The following EIF3H variants were observed in gnomAD, a reference collection of about 807,000 sequenced individuals.
The protein encoded by EIF3H is eukaryotic translation initiation factor 3 subunit H, also known as eIF-3-gamma.
EIF3H carries 26 observed loss-of-function variants against 44.2 expected under a neutral mutation model. That is an observed-to-expected ratio of 0.59 (90% CI 0.43 to 0.82). The LOEUF is 0.82. Among genes scored for constraint, EIF3H ranks in the 40% least tolerant of loss-of-function variants. The pLI, the probability that EIF3H is intolerant of heterozygous loss-of-function variation, is 0.00. For missense variants in EIF3H, 359 were observed against 432.8 expected (o/e 0.83, Z 1.51); for synonymous variants, 166 against 151.9 (o/e 1.09, Z -0.68).
rs1361945406 is a variant in EIF3H, at chr8:116,678,953, C to T, written c.290-19973G>A. Among the ~76,000 whole-genome samples the T allele has an allele frequency of 1.6e-4, 15 of 91,136 alleles. No individual in the cohort carries two copies. In the South Asian group the frequency reaches 4.5e-3, roughly 27 times the overall value. 59.8% of individuals were successfully genotyped at this position (91,136 alleles called of 152,430 possible). A position where few individuals can be genotyped will look rare whatever the true frequency, so the allele number is the denominator to read the frequency against. ...CCGCCCCTACTGGGAAGTGAGGAGC[C>T]CCTCTGCCCGGCCAGTCGCCCCGTC... On this transcript the variant is annotated intron_variant, in intron 2 of 7. Transcript: ENST00000521861.
At position 116,726,071 on chromosome 8, in the gene EIF3H, A is replaced by G; in HGVS notation, c.234T>C (p.Ile78=). The G allele has an allele frequency of 6.2e-7, 1 of 1,614,128 alleles. No individual in the cohort carries two copies. Among genetic ancestry groups the G allele is most frequent in the South Asian group, 1.1e-5 (1 of 91,080 alleles). ...LGLVVEDRLE[I]TNCFPFPQHT... The stretch of plus-strand genomic sequence containing the variant: ...GCTGAGGGAAAGGAAAGCAGTTGGT[A>G]ATTTCAAGCCGATCTTCTACAACCA... The change falls in exon 2 of 8, where the codon ATT becomes ATC. Residue 78 remains isoleucine (I), a synonymous_variant. Transcript: ENST00000521861.
intron 2 of EIF3H, among the ~76,000 whole-genome samples, chr8:116,721,451 C>A (rs1034939604): frequency 2.0e-4 from 31 of 152,202 alleles, no homozygotes; most frequent in African/African-American, 7.5e-4. Context: ...GGGGTTGAAG[C>A]CCCCACACAG....
intron 5 of EIF3H, among the ~76,000 whole-genome samples, chr8:116,654,728 G>A (rs1813459404): frequency 6.6e-6 from 1 of 152,002 alleles, no homozygotes; most frequent in Non-Finnish European, 1.5e-5. Context: ...TACATTCATC[G>A]TCCATCTCCC....
chr8:116,697,380 C>A (rs923068068), intron 2 of EIF3H: 2 of 364,122 alleles, frequency 5.5e-6, no homozygotes, highest in African/African-American at 4.3e-5. Context: ...AATTGCTGGT[C>A]AGTGTCAGGT....
intron 1 of EIF3H, among the ~76,000 whole-genome samples, chr8:116,762,957 A>G (rs1815533119): frequency 6.6e-6 from 1 of 152,180 alleles, no homozygotes; most frequent in Non-Finnish European, 1.5e-5. Flanking sequence ...AAGAAAAGGA[A>G]AAAAAAAGAA....
At chr8:116,672,440 A>G (rs1813773117) in intron 2 of EIF3H, among the ~76,000 whole-genome samples, 1 of 152,190 alleles carries the variant, frequency 6.6e-6, no homozygotes, top group Non-Finnish European at 1.5e-5. Context: ...AGCGCAGATG[A>G]CATAGCATCT....
At chr8:116,692,879 C>G (rs1423973212) in intron 2 of EIF3H, among the ~76,000 whole-genome samples, 1 of 152,144 alleles carries the variant, frequency 6.6e-6, no homozygotes, top group African/African-American at 2.4e-5. Context: ...CCAAGTTCTT[C>G]TAACTGGCAC....
chr8:116,758,720 T>G (rs1815485431), upstream of EIF3H, among the ~76,000 whole-genome samples: 1 of 152,198 alleles, frequency 6.6e-6, no homozygotes, highest in Non-Finnish European at 1.5e-5. Flanking sequence ...AACAAAATTT[T>G]CTGAATATTT....
chr8:116,710,758 T>C (rs1814560466), intron 2 of EIF3H, among the ~76,000 whole-genome samples: 1 of 152,284 alleles, frequency 6.6e-6, no homozygotes, highest in African/African-American at 2.4e-5. Flanking sequence ...GCATACTGGG[T>C]TTTCTGGTTC....
intron 6 of EIF3H, 134 bp downstream of exon 6, chr8:116,648,672 T>A: frequency 9.2e-7 from 1 of 1,084,194 alleles, no homozygotes; most frequent in Non-Finnish European, 1.2e-6. Context: ...AAAATAATAA[T>A]CTTTTAAAAA....
intron 2 of EIF3H, among the ~76,000 whole-genome samples, chr8:116,686,355 G>A (rs1000172186): frequency 1.3e-5 from 2 of 152,068 alleles, no homozygotes; most frequent in Non-Finnish European, 2.9e-5. Context: ...TGTGTCTGTG[G>A]ATATCCTGAC....
intron 1 of EIF3H, among the ~76,000 whole-genome samples, chr8:116,752,740 A>AGAAGG (rs1815372956): frequency 1.7e-5 from 2 of 115,314 alleles, no homozygotes; most frequent in East Asian, 2.8e-4. Context: ...AAGAAGAGAA[A>AGAAGG]GAAAGAAAGA....
In EIF3H at chr8:116,705,499, C is replaced by G. The variant is rs912161203; in HGVS notation, c.289+20517G>C. 1.5e-4 allele frequency among the ~76,000 whole-genome samples: 21 copies of G among 143,694 alleles called. 1 individual carries two copies. Among genetic ancestry groups the G allele is most frequent in the Middle Eastern group, 3.5e-3 (1 of 286 alleles). 94.3% of individuals were successfully genotyped at this position (143,694 alleles called of 152,430 possible). On this transcript the variant is annotated intron_variant, in intron 2 of 7. Transcript: ENST00000521861. ...TGTGGGTAACATGTTACACCCCCCC[C>G]CACCACCAACACCCCAGGAGAATGC... is the stretch of plus-strand genomic sequence containing the variant.
intron 1 of EIF3H, among the ~76,000 whole-genome samples, chr8:116,752,736 A>AAAG (rs1435243692): frequency 4.6e-5 from 4 of 87,070 alleles, no homozygotes; most frequent in Non-Finnish European, 7.0e-5. Flanking sequence ...AAGAAAGAAG[A>AAAG]GAAAGAAAGA....
intron 1 of EIF3H, among the ~76,000 whole-genome samples, chr8:116,734,058 T>G (rs1814992985): frequency 6.6e-6 from 1 of 152,190 alleles, no homozygotes; most frequent in African/African-American, 2.4e-5. Flanking sequence ...AAACCTCCAT[T>G]AAACAGTCGT....
chr8:116,731,321 A>G (rs1814946714), intron 1 of EIF3H, among the ~76,000 whole-genome samples: 1 of 152,226 alleles, frequency 6.6e-6, no homozygotes, highest in Non-Finnish European at 1.5e-5. Flanking sequence ...CCTGAAATTC[A>G]GCTAACTGAT....
rs570155232 is a variant in EIF3H at position 116,692,034 on chromosome 8, ACT to A, written c.290-33056_290-33055del. On this transcript the variant is annotated intron_variant, in intron 2 of 7. Transcript: ENST00000521861. ...CAAACTTCCCTCTTCCCAAATGCTC[ACT>A]GTTTCACATTGTTGTCAGTTTAAGT... 9.9e-5 allele frequency among the ~76,000 whole-genome samples: 15 copies of A among 152,254 alleles called. No individual in the cohort carries two copies. The South Asian group carries it at 2.7e-3, about 27-fold the overall frequency.
In EIF3H at chr8:116,721,067, G is replaced by C. The variant is rs939906217; in HGVS notation, c.289+4949C>G. Among the ~76,000 whole-genome samples the C allele has an allele frequency of 5.9e-5, 9 of 152,250 alleles. No individual in the cohort carries two copies. In the South Asian group the frequency reaches 1.9e-3, roughly 32 times the overall value. ...AAGACAATGGGAAAAATGTCTCCAG[G>C]GCACGTCGGAGACCTTCACAGCAGC... On this transcript the variant is annotated intron_variant, in intron 2 of 7. Coordinates refer to ENST00000521861, the MANE Select transcript of EIF3H (RefSeq NM_003756.3).
intron 2 of EIF3H, among the ~76,000 whole-genome samples, chr8:116,716,621 C>A (rs770090373): frequency 6.6e-6 from 1 of 151,978 alleles, no homozygotes; most frequent in Non-Finnish European, 1.5e-5. Flanking sequence ...TTACATAAAT[C>A]ACAGGTGGTC....
Sources: gnomAD v4.1 joint callset for allele counts (sites outside exome capture counted in the v4.1 genomes callset) on GRCh38, gnomAD v4.1.1 for gene constraint, MANE v1.5 for transcripts, NCBI Gene and HGNC (gene_info 2026-07-23, HGNC 2026-07-21) for gene names.